The following TCEANC variants were observed in gnomAD, a reference collection of about 807,000 sequenced individuals.
TCEANC encodes the protein transcription elongation factor A N-terminal and central domain-containing protein.
In TCEANC, 8 loss-of-function variants were observed where a neutral mutation model predicts 8.7. That is an observed-to-expected ratio of 0.92 (90% CI 0.54 to 1.65). The LOEUF (loss-of-function observed/expected upper bound fraction) is 1.65, where lower values mean the gene tolerates loss of function less well. Ranked by LOEUF, TCEANC falls within the 40% of genes most tolerant of loss-of-function variation. TCEANC has a pLI of 0.00. For synonymous variants in TCEANC, 78 were observed against 92.9 expected (o/e 0.84, Z 0.92); for missense variants, 255 against 251.9 (o/e 1.01, Z -0.08).
intron 1 of TCEANC, among the ~76,000 whole-genome samples, chrX:13,656,076 A>G (rs191575480): frequency 1.3e-4 from 15 of 112,799 alleles, no homozygotes; most frequent in African/African-American, 4.8e-4. Context: ...TGTGAGTGCC[A>G]GAAGTACAGT....
upstream of TCEANC, among the ~76,000 whole-genome samples, chrX:13,654,244 A>G (rs772999604): frequency 3.7e-4 from 42 of 113,079 alleles, no homozygotes; most frequent in South Asian, 0.014. Flanking sequence ...ATTTTAAATC[A>G]TATTTGTGGT....
chrX:13,663,242 C>G (rs1425732601), exon 2 of TCEANC: 1 of 1,202,841 alleles, frequency 8.3e-7, no homozygotes, highest in Non-Finnish European at 1.1e-6. Context: ...AACTTGCTCT[C>G]TGGGACCACG....
upstream of TCEANC, chrX:13,653,453 C>T (rs1380672524): frequency 1.8e-5 from 2 of 111,832 alleles, no homozygotes; most frequent in East Asian, 5.7e-4. Flanking sequence ...TGTTGCTCGA[C>T]CCCACCCACC....
At chrX:13,657,237 A>G (rs1284873280) in intron 1 of TCEANC, among the ~76,000 whole-genome samples, 1 of 112,261 alleles carries the variant, frequency 8.9e-6, no homozygotes, top group East Asian at 2.8e-4. Context: ...CTTTAAGGAA[A>G]CGAGAGATGT....
rs774811064 is a variant in TCEANC at position 13,659,518 on chromosome X, C to T, written c.-8-2983C>T. 3.1e-4 allele frequency among the ~76,000 whole-genome samples: 35 copies of T among 111,922 alleles called. No homozygotes were observed. The South Asian group carries it at 0.013, about 40-fold the overall frequency. On this transcript the variant is annotated intron_variant, in intron 1 of 1. Coordinates refer to ENST00000380600, the Ensembl canonical transcript of TCEANC. ...TATTTATGTATAAACAACCAAAAAG[C>T]ACTTTGCTCTTCATTTTATATGTTC... is the stretch of plus-strand genomic sequence containing the variant.
intron 1 of TCEANC, among the ~76,000 whole-genome samples, chrX:13,658,478 T>G (rs772057793): frequency 8.9e-6 from 1 of 112,481 alleles, no homozygotes; most frequent in African/African-American, 3.2e-5. Context: ...GTTCTTTTAC[T>G]CTTTTCTGTA....
chrX:13,661,746 T>C (rs2045967966), intron 1 of TCEANC, among the ~76,000 whole-genome samples: 1 of 112,454 alleles, frequency 8.9e-6, no homozygotes, highest in Non-Finnish European at 1.9e-5. Flanking sequence ...ACATAATCAT[T>C]GAGCAACTCT....
At chrX:13,662,857 A>G in exon 2 of TCEANC, 2 of 1,211,945 alleles carry the variant, frequency 1.7e-6, no homozygotes, top group Non-Finnish European at 1.1e-6. Flanking sequence ...GACACTGGGC[A>G]TCTGCAGCTC....
intron 1 of TCEANC, among the ~76,000 whole-genome samples, chrX:13,656,589 A>G (rs752582475): frequency 8.9e-6 from 1 of 112,503 alleles, no homozygotes; most frequent in Non-Finnish European, 1.9e-5. Context: ...CAGCAATTCC[A>G]TTTTTGAGTA....
chrX:13,665,124 C>T (rs191994884), exon 2 of TCEANC: 2 of 124,102 alleles, frequency 1.6e-5, no homozygotes, highest in East Asian at 5.6e-4. Context: ...ACTTGCTCTC[C>T]GTGTCTTCCC....
chrX:13,654,585 A>G (rs2045909315), upstream of TCEANC, among the ~76,000 whole-genome samples: 1 of 110,727 alleles, frequency 9.0e-6, no homozygotes, highest in Non-Finnish European at 1.9e-5. Context: ...CCTATTATTC[A>G]CACTTACTGT....
At chrX:13,659,719 G>A (rs1011512088) in intron 1 of TCEANC, 27 of 110,803 alleles carry the variant, frequency 2.4e-4, no homozygotes, top group African/African-American at 8.3e-4. Flanking sequence ...TCTGCCTCCC[G>A]GGTTCAAGCA....
intron 1 of TCEANC, among the ~76,000 whole-genome samples, chrX:13,661,514 G>A (rs1367045873): frequency 2.7e-5 from 3 of 111,978 alleles, no homozygotes; most frequent in South Asian, 3.7e-4. Context: ...GTGTATGTTC[G>A]GTGGTGATTA....
At chrX:13,663,351 T>C (rs773110803) in exon 2 of TCEANC, 1 of 1,194,165 alleles carries the variant, frequency 8.4e-7, no homozygotes, top group Non-Finnish European at 1.1e-6. Context: ...TCCAGGAACA[T>C]TACCTTCCCC....
chrX:13,665,083 A>G (rs187280492), exon 2 of TCEANC: 10 of 124,016 alleles, frequency 8.1e-5, no homozygotes, highest in African/African-American at 1.6e-4. Flanking sequence ...AGTCGGCTCA[A>G]TGCCATCAAG....
upstream of TCEANC, among the ~76,000 whole-genome samples, chrX:13,654,857 TG>T (rs1487415886): frequency 3.6e-5 from 4 of 110,804 alleles, no homozygotes; most frequent in Non-Finnish European, 7.6e-5. Context: ...TTGTTTGTTT[TG>T]TTTTTTTTAA....
chrX:13,660,660 C>T lies in TCEANC; in HGVS notation c.-8-1841C>T, dbSNP rs543296000. Among the ~76,000 whole-genome samples, 9 of 112,336 alleles carry T rather than the reference C, an allele frequency of 8.0e-5. No homozygotes were observed. The South Asian group carries it at 3.3e-3, about 41-fold the overall frequency. ...TTCCTTTTCATGGCAGAATAATATTCTGTTGTGTGGATAAATCACATTTTA... is the reference window on the plus strand; with the variant it reads ...TTCCTTTTCATGGCAGAATAATATTTTGTTGTGTGGATAAATCACATTTTA... On this transcript the variant is annotated intron_variant, in intron 1 of 1. Transcript: ENST00000380600.
At chrX:13,654,838 TTTG>T (rs2045911801), upstream of TCEANC, among the ~76,000 whole-genome samples, 2 of 34,241 alleles carry the variant, frequency 5.8e-5, no homozygotes, top group African/African-American at 1.9e-4. Context: ...GGTTTTTTTG[TTTG>T]TTTGTTTGTT....
At chrX:13,665,028 A>G in exon 2 of TCEANC, 1 of 124,048 alleles carries the variant, frequency 8.1e-6, no homozygotes, top group Non-Finnish European at 1.9e-5. Flanking sequence ...TCTCCAAAAC[A>G]TGCATAAAAG....
Sources: allele counts gnomAD v4.1 joint callset (sites outside exome capture counted in the v4.1 genomes callset), GRCh38; gene constraint gnomAD v4.1.1; transcripts MANE v1.5; gene names NCBI Gene and HGNC (gene_info 2026-07-23, HGNC 2026-07-21).